The following MID1 variants were observed in gnomAD, a reference collection of about 807,000 sequenced individuals.
MID1 encodes the protein E3 ubiquitin-protein ligase Midline-1.
Under a neutral mutation model 40.4 loss-of-function variants are expected in MID1, and 7 were observed. The observed-to-expected ratio is 0.17, with a 90% CI of 0.10 to 0.33. MID1 has a LOEUF of 0.33. Among genes scored for constraint, MID1 ranks in the 10% least tolerant of loss-of-function variants. The pLI is 1.00. For synonymous variants in MID1, 229 were observed against 221.2 expected (o/e 1.04, Z -0.31); for missense variants, 367 against 558.5 (o/e 0.66, Z 3.46).
intron 7 of MID1, among the ~76,000 whole-genome samples, chrX:10,460,281 C>T (rs762750734): frequency 8.7e-4 from 97 of 111,444 alleles, no homozygotes; most frequent in Non-Finnish European, 1.5e-3. Context: ...ATGCAGCCAA[C>T]GCCCAGCCAG....
At chrX:10,493,964 A>G (rs771001884) in intron 4 of MID1, among the ~76,000 whole-genome samples, 1 of 112,436 alleles carries the variant, frequency 8.9e-6, no homozygotes, top group South Asian at 3.7e-4. Context: ...AGAACCTGGA[A>G]TACTTCCAGA....
At chrX:10,668,083 T>C (rs1251489911) in intron 1 of MID1, among the ~76,000 whole-genome samples, 2 of 111,781 alleles carry the variant, frequency 1.8e-5, no homozygotes, top group South Asian at 3.8e-4. Context: ...AGAAACTTCT[T>C]TGCAACCATT....
chrX:10,483,745 G>C (rs1174184839), intron 4 of MID1, among the ~76,000 whole-genome samples: 2 of 112,120 alleles, frequency 1.8e-5, no homozygotes, highest in Non-Finnish European at 3.8e-5. Context: ...CTTTCTCCAA[G>C]TCGTCATTAC....
chrX:10,489,559 T>A (rs1602295203), intron 4 of MID1, among the ~76,000 whole-genome samples: 1 of 112,303 alleles, frequency 8.9e-6, no homozygotes, highest in African/African-American at 3.2e-5. Context: ...TGAATCTACT[T>A]CTCAAGTCTT....
chrX:10,578,107 C>T (rs1934920608), intron 1 of MID1, among the ~76,000 whole-genome samples: 1 of 112,644 alleles, frequency 8.9e-6, no homozygotes, highest in Non-Finnish European at 1.9e-5. Flanking sequence ...CACAGTAAAT[C>T]AAAGCATGCT....
chrX:10,701,696 T>C (rs1243874486), intron 1 of MID1, among the ~76,000 whole-genome samples: 1 of 112,412 alleles, frequency 8.9e-6, no homozygotes, highest in Admixed American at 9.5e-5. Flanking sequence ...TGGTTGTTTA[T>C]TATAGCAGCT....
At chrX:10,778,017 A>G (rs1237953892) in intron 1 of MID1, among the ~76,000 whole-genome samples, 1 of 111,596 alleles carries the variant, frequency 9.0e-6, no homozygotes, top group African/African-American at 3.3e-5. Context: ...GGACCTGCCT[A>G]AGGCTGTTTT....
intron 1 of MID1, among the ~76,000 whole-genome samples, chrX:10,785,405 A>G (rs2043875439): frequency 9.0e-6 from 1 of 111,481 alleles, no homozygotes; most frequent in Non-Finnish European, 1.9e-5. Flanking sequence ...GGTAATTTAT[A>G]GATTCAATGC....
At chrX:10,807,893 C>T (rs2044059037) in intron 1 of MID1, among the ~76,000 whole-genome samples, 1 of 112,318 alleles carries the variant, frequency 8.9e-6, no homozygotes, top group Non-Finnish European at 1.9e-5. Flanking sequence ...CTTCTGCCTA[C>T]TACCAGTGGG....
At chrX:10,660,810 A>G (rs1254427373) in intron 1 of MID1, among the ~76,000 whole-genome samples, 1 of 112,233 alleles carries the variant, frequency 8.9e-6, no homozygotes, top group Non-Finnish European at 1.9e-5. Context: ...ACATAATTAC[A>G]GAAACAAAAT....
chrX:10,713,092 C>T (rs1470450873), intron 1 of MID1, among the ~76,000 whole-genome samples: 1 of 111,453 alleles, frequency 9.0e-6, no homozygotes, highest in African/African-American at 3.3e-5. Context: ...ACCTTGGCCT[C>T]CCAAAGTGCT....
chrX:10,725,687 C>T (rs1449546865), intron 1 of MID1, among the ~76,000 whole-genome samples: 2 of 111,067 alleles, frequency 1.8e-5, no homozygotes, highest in South Asian at 3.8e-4. Context: ...GGTGAAACCC[C>T]GTCTCTACTG....
chrX:10,589,962 C>T lies in MID1; in HGVS notation c.-56-22359G>A, dbSNP rs775207498. On this transcript the variant is annotated intron_variant, in intron 1 of 9. Coordinates refer to ENST00000317552, the MANE Select transcript of MID1 (RefSeq NM_000381.4). ...ACTCCTGTCTCAAGAGCCGAGCTCC[C>T]CGAGTGAGCAATTCCTGTCCCTTTT... The T allele has an allele frequency of 5.5e-5, 6 of 109,645 alleles. No homozygotes were observed. The South Asian group carries it at 1.3e-3, about 23-fold the overall frequency. The allele number at this position is 109,645 out of a possible 1,213,427, so 9.0% of individuals were successfully genotyped here.
intron 1 of MID1, among the ~76,000 whole-genome samples, chrX:10,614,087 C>T (rs1185657005): frequency 9.0e-6 from 1 of 110,637 alleles, no homozygotes; most frequent in Admixed American, 9.7e-5. Flanking sequence ...ATATGTGACT[C>T]TTGCTCTGGA....
rs1928175858 is a variant in MID1, at chrX:10,449,301, C to T, written c.*67G>A. ...ATTACACTCATGAAGCCTGTGCTTT[C>T]TCAGTCCCCTAAATAGTGGCCTGAA... On this transcript the variant is annotated 3_prime_UTR_variant, in exon 10 of 10. Transcript: ENST00000317552. The T allele has an allele frequency of 2.1e-6, 2 of 949,990 alleles. No homozygotes were observed. Among genetic ancestry groups the T allele is most frequent in the Non-Finnish European group, 1.5e-6 (1 of 671,640 alleles). The allele number at this position is 949,990 out of a possible 1,213,427, so 78.3% of individuals were successfully genotyped here.
intron 1 of MID1, among the ~76,000 whole-genome samples, chrX:10,569,915 T>C (rs1395807417): frequency 8.9e-6 from 1 of 112,039 alleles, no homozygotes; most frequent in Non-Finnish European, 1.9e-5. Flanking sequence ...GCATCATCTC[T>C]TATGTGGACT....
chrX:10,791,354 G>C (rs1450269632), intron 1 of MID1, among the ~76,000 whole-genome samples: 1 of 111,993 alleles, frequency 8.9e-6, no homozygotes, highest in Non-Finnish European at 1.9e-5. Context: ...CTATCAAAGG[G>C]GGAAGGTTTA....
At chrX:10,694,696 C>T (rs375579997) in intron 1 of MID1, among the ~76,000 whole-genome samples, 82 of 111,942 alleles carry the variant, frequency 7.3e-4, no homozygotes, top group Middle Eastern at 9.3e-3. Context: ...ACTTGAGAGA[C>T]GTTCACTAGT....
chrX:10,527,997 A>G (rs1298131698), intron 2 of MID1, among the ~76,000 whole-genome samples: 1 of 111,944 alleles, frequency 8.9e-6, no homozygotes, highest in Non-Finnish European at 1.9e-5. Flanking sequence ...ATTTTTGCGT[A>G]TGCCTTTCTG....
Sources: allele counts gnomAD v4.1 joint callset (sites outside exome capture counted in the v4.1 genomes callset), GRCh38; gene constraint gnomAD v4.1.1; transcripts MANE v1.5; gene names NCBI Gene and HGNC (gene_info 2026-07-23, HGNC 2026-07-21).